ANXA8: variants seen among roughly 807,000 people sequenced by gnomAD.
ANXA8 encodes VAC-beta.
In ANXA8, 9 loss-of-function variants were observed where a neutral mutation model predicts 26.8. That is an observed-to-expected ratio of 0.34 (90% CI 0.20 to 0.59). ANXA8 has a LOEUF of 0.59. ANXA8 is among the 20% of genes least tolerant of loss of function. ANXA8 has a pLI of 0.84. For missense variants in ANXA8, 83 were observed against 238.5 expected (o/e 0.35, Z 4.29); for synonymous variants, 39 against 94.8 (o/e 0.41, Z 3.42).
chr10:47,502,320 G>T, the ANXA8 span: 1 of 1,602,994 alleles, frequency 6.2e-7, no homozygotes, highest in Non-Finnish European at 8.5e-7. Context: ...GCAGCAGGAT[G>T]GCTGTCTGCA....
At chr10:47,935,545 G>GC in the ANXA8 span, among the ~76,000 whole-genome samples, 1 of 150,906 alleles carries the variant, frequency 6.6e-6, no homozygotes, top group Non-Finnish European at 1.5e-5. Context: ...TGGAACAGAA[G>GC]CCCAGGAGGT....
At chr10:47,733,174 T>TTTC in the ANXA8 span, among the ~76,000 whole-genome samples, 2 of 101,976 alleles carry the variant, frequency 2.0e-5, no homozygotes, top group South Asian at 8.0e-4. Flanking sequence ...TCTTTCTTTC[T>TTTC]TTCTTTCTTT....
the ANXA8 span, among the ~76,000 whole-genome samples, chr10:47,683,534 C>T: frequency 4.6e-5 from 7 of 151,972 alleles, no homozygotes; most frequent in East Asian, 1.9e-4. Flanking sequence ...ATACACAGTA[C>T]GTGGGTTATT....
the ANXA8 span, chr10:47,496,187 C>T: frequency 6.6e-6 from 1 of 151,966 alleles, no homozygotes; most frequent in African/African-American, 2.4e-5. Context: ...CACTAGATTC[C>T]CAGGGAGCCC....
chr10:47,632,780 G>GT, the ANXA8 span, among the ~76,000 whole-genome samples: 1 of 145,114 alleles, frequency 6.9e-6, no homozygotes, highest in Non-Finnish European at 1.5e-5. Flanking sequence ...AAGTGAAAGA[G>GT]TAACGGTATG....
the ANXA8 span, among the ~76,000 whole-genome samples, chr10:47,659,188 A>G: frequency 2.0e-5 from 3 of 151,716 alleles, no homozygotes; most frequent in Non-Finnish European, 4.4e-5. Flanking sequence ...AGTTTTTAAT[A>G]TAGCCAGCAC....
chr10:47,928,746 C>CTTT, the ANXA8 span, among the ~76,000 whole-genome samples: 74 of 100,888 alleles, frequency 7.3e-4, no homozygotes, highest in South Asian at 2.6e-3. Context: ...CTTTCTCTCT[C>CTTT]TCTCTTTTTT....
chr10:47,508,007 G>A, the ANXA8 span, among the ~76,000 whole-genome samples: 42 of 119,984 alleles, frequency 3.5e-4, no homozygotes, highest in Admixed American at 6.4e-4. Flanking sequence ...CGATTCTCAC[G>A]CCTCAGCCTC....
At chr10:47,607,406 G>A in the ANXA8 span, among the ~76,000 whole-genome samples, 2 of 149,472 alleles carry the variant, frequency 1.3e-5, no homozygotes, top group African/African-American at 5.0e-5. Flanking sequence ...TGTTCATCCA[G>A]CCTTCATTCA....
At chr10:47,586,529 T>C in the ANXA8 span, among the ~76,000 whole-genome samples, 1 of 145,342 alleles carries the variant, frequency 6.9e-6, no homozygotes, top group East Asian at 1.9e-4. Context: ...AACTTGACAC[T>C]AGCTGAGGCT....
At chr10:47,979,222 A>C in the ANXA8 span, among the ~76,000 whole-genome samples, 4 of 151,832 alleles carry the variant, frequency 2.6e-5, no homozygotes, top group Admixed American at 2.6e-4. Context: ...TTATAGTTGG[A>C]AACATCATTA....
the ANXA8 span, among the ~76,000 whole-genome samples, chr10:47,551,174 G>A: frequency 1.3e-5 from 2 of 151,924 alleles, no homozygotes; most frequent in African/African-American, 4.8e-5. Flanking sequence ...TACTGAGGCA[G>A]TGCATCATAA....
chr10:47,559,142 C>CA, the ANXA8 span, among the ~76,000 whole-genome samples: 3 of 73,308 alleles, frequency 4.1e-5, no homozygotes, highest in African/African-American at 1.8e-4. Context: ...TGGAGTCTTA[C>CA]TTTTTTTTTT....
the ANXA8 span, chr10:47,566,023 CCTCCGCTGCCCTCGG>C: frequency 9.6e-7 from 1 of 1,039,326 alleles, no homozygotes; most frequent in Non-Finnish European, 1.3e-6. Context: ...TGTCCTGACC[CCTCCGCTGCCCTCGG>C]CTCCGCCGCC....
At chr10:47,589,241 A>G in the ANXA8 span, 1 of 147,372 alleles carries the variant, frequency 6.8e-6, no homozygotes, top group Non-Finnish European at 1.5e-5. Context: ...AATTTTGCTC[A>G]TCCCAGGACA....
chr10:47,663,583 C>T, the ANXA8 span, among the ~76,000 whole-genome samples: 1 of 128,586 alleles, frequency 7.8e-6, no homozygotes, highest in Non-Finnish European at 1.6e-5. Flanking sequence ...CAGGGTCTCA[C>T]TATGTTGGCA....
chr10:47,665,179 A>AT, the ANXA8 span, among the ~76,000 whole-genome samples: 1 of 149,276 alleles, frequency 6.7e-6, no homozygotes, highest in African/African-American at 2.6e-5. Context: ...TAAAAAAAAA[A>AT]ACCCAGGTAA....
At chr10:47,554,110 A>AAATAAATAAAT in the ANXA8 span, among the ~76,000 whole-genome samples, 15 of 129,906 alleles carry the variant, frequency 1.2e-4, 1 homozygote, top group East Asian at 2.3e-4. Flanking sequence ...CATCTCTCAA[A>AAATAAATAAAT]AAATAAATAA....
the ANXA8 span, among the ~76,000 whole-genome samples, chr10:47,501,492 G>A: frequency 7.3e-6 from 1 of 136,602 alleles, no homozygotes; most frequent in African/African-American, 2.7e-5. Flanking sequence ...GGTGGATCAC[G>A]AGGTCAGGAG....
Sources: gnomAD v4.1 joint callset for allele counts (sites outside exome capture counted in the v4.1 genomes callset) on GRCh38, gnomAD v4.1.1 for gene constraint, MANE v1.5 for transcripts, NCBI Gene and HGNC (gene_info 2026-07-23, HGNC 2026-07-21) for gene names.